The following ATP8B1 variants were observed in gnomAD, a reference collection of about 807,000 sequenced individuals.
ATP8B1 encodes ATPase phospholipid transporting 8B1.
Under a neutral mutation model 149.9 loss-of-function variants are expected in ATP8B1, and 80 were observed. The ratio of observed to expected loss-of-function variants is 0.53; its 90% CI spans 0.45 to 0.64. The LOEUF (loss-of-function observed/expected upper bound fraction) is 0.64. Among genes scored for constraint, ATP8B1 ranks in the 30% least tolerant of loss-of-function variants. The pLI, the probability that ATP8B1 is intolerant of heterozygous loss-of-function variation, is 0.00. For synonymous variants in ATP8B1, 536 were observed against 562.8 expected, an observed-to-expected ratio of 0.95 and a Z score of 0.67; for missense variants, 1,247 against 1,552.6, an observed-to-expected ratio of 0.80 and a Z score of 3.31.
intron 1 of ATP8B1, among the ~76,000 whole-genome samples, chr18:57,746,812 G>A (rs2079968336): frequency 1.3e-5 from 2 of 151,980 alleles, no homozygotes; most frequent in Admixed American, 1.3e-4. Context: ...CTGTCTCTTT[G>A]CAAATGATTA....
chr18:57,676,430 A>C (rs1343594662), intron 15 of ATP8B1, among the ~76,000 whole-genome samples: 3 of 151,958 alleles, frequency 2.0e-5, no homozygotes, highest in Non-Finnish European at 2.9e-5. Context: ...AGAAAAAAAA[A>C]CCACACAGGC....
rs554852460 is a variant in ATP8B1, at chr18:57,662,603, A to G, written c.2298T>C (p.His766=). Residue 766 remains histidine, a synonymous_variant, in exon 21 of 28, where the codon CAT becomes CAC. Coordinates refer to ENST00000648908, the MANE Select transcript of ATP8B1 (RefSeq NM_001374385.1). ...TATTCCTCTGGTTTTCCATCCTTGCATGAAGAAGAGAACTAGGGGAAACCA... is the reference window on the plus strand; with the variant it reads ...TATTCCTCTGGTTTTCCATCCTTGCGTGAAGAAGAGAACTAGGGGAAACCA... ...CYGEDINSLL[H]ARMENQRNRG... is the part of the protein sequence containing the mutation. The G allele has an allele frequency of 7.4e-6, 12 of 1,614,206 alleles. No homozygotes were observed. The highest frequency in any genetic ancestry group is 1.6e-4 in the Middle Eastern group (1 of 6,062).
chr18:57,775,923 C>T (rs568003973), intron 1 of ATP8B1, among the ~76,000 whole-genome samples: 4 of 152,166 alleles, frequency 2.6e-5, no homozygotes, highest in Non-Finnish European at 4.4e-5. Context: ...GGATTACAGG[C>T]GTGAGCTGCT....
chr18:57,795,298 G>C (rs1319720522), intron 1 of ATP8B1, among the ~76,000 whole-genome samples: 1 of 152,068 alleles, frequency 6.6e-6, no homozygotes, highest in East Asian at 1.9e-4. Context: ...AGACATTTGG[G>C]AGGCTGAAGC....
At chr18:57,689,951 G>A (rs2122859401) in intron 12 of ATP8B1, among the ~76,000 whole-genome samples, 1 of 152,330 alleles carries the variant, frequency 6.6e-6, no homozygotes, top group South Asian at 2.1e-4. Context: ...AGCAGGTGGA[G>A]GTTGCAGTGA....
At chr18:57,794,913 C>T (rs184999663) in intron 1 of ATP8B1, among the ~76,000 whole-genome samples, 3 of 152,290 alleles carry the variant, frequency 2.0e-5, no homozygotes, top group East Asian at 3.9e-4. Context: ...ACAACACCCT[C>T]CTCCCACATT....
intron 22 of ATP8B1, 57 bp downstream of exon 22, chr18:57,661,117 C>T (rs1910364464): frequency 1.3e-6 from 2 of 1,599,608 alleles, no homozygotes; most frequent in Non-Finnish European, 1.7e-6. Flanking sequence ...CTACACATTC[C>T]AGCCATTTCT....
intron 2 of ATP8B1, among the ~76,000 whole-genome samples, chr18:57,715,362 A>G (rs549018016): frequency 6.6e-6 from 1 of 152,280 alleles, no homozygotes; most frequent in South Asian, 2.1e-4. Flanking sequence ...AAGTACACCT[A>G]CAAGATCTAG....
At chr18:57,667,642 C>T (rs922350458) in intron 19 of ATP8B1, 1 of 198,352 alleles carries the variant, frequency 5.0e-6, no homozygotes, top group African/African-American at 2.4e-5. Flanking sequence ...ATAAAATGTG[C>T]TATATTATCA....
chr18:57,730,982 G>A (rs1293817936), intron 2 of ATP8B1, among the ~76,000 whole-genome samples: 6 of 151,974 alleles, frequency 3.9e-5, no homozygotes, highest in Non-Finnish European at 5.9e-5. Flanking sequence ...ATTCTTGCCC[G>A]CATAACTCCA....
chr18:57,652,314 A>G, intron 25 of ATP8B1, 142 bp from the exon 26 acceptor site: 2 of 1,448,344 alleles, frequency 1.4e-6, no homozygotes, highest in Non-Finnish European at 1.9e-6. Flanking sequence ...ACCATCCTTG[A>G]CTCAGGCAAG....
chr18:57,667,398 T>C (rs575040112), intron 19 of ATP8B1: 220 of 505,084 alleles, frequency 4.4e-4, no homozygotes, highest in African/African-American at 4.0e-3. Flanking sequence ...ACCAAACAAT[T>C]TGTGTTTTTT....
chr18:57,731,368 T>A, intron 2 of ATP8B1: 1 of 148,676 alleles, frequency 6.7e-6, no homozygotes. Context: ...TATATATATA[T>A]ATATATACAC....
rs547158500 is a variant in ATP8B1 at position 57,780,125 on chromosome 18, T to C, written c.-26+22873A>G. Among the ~76,000 whole-genome samples, 11 of 152,308 alleles carry C rather than the reference T, an allele frequency of 7.2e-5. No homozygotes were observed. In the South Asian group the frequency reaches 2.1e-3, roughly 29 times the overall value. Reference sequence around the variant, plus strand: ...AATTTCACAAATTTGTCTGTCTGTGTAAAATTGTTTTGGAAGATGTCAATA... The same window carrying C: ...AATTTCACAAATTTGTCTGTCTGTGCAAAATTGTTTTGGAAGATGTCAATA... On this transcript the variant is annotated intron_variant, in intron 1 of 27. Coordinates refer to ENST00000648908, the MANE Select transcript of ATP8B1 (RefSeq NM_001374385.1).
intron 1 of ATP8B1, among the ~76,000 whole-genome samples, chr18:57,750,149 A>T (rs1246687502): frequency 6.6e-6 from 1 of 152,212 alleles, no homozygotes; most frequent in Non-Finnish European, 1.5e-5. Context: ...AGGCTGAAGT[A>T]CAAAAATCGC....
intron 1 of ATP8B1, among the ~76,000 whole-genome samples, chr18:57,774,800 T>C (rs1417800037): frequency 6.6e-6 from 1 of 152,104 alleles, no homozygotes; most frequent in Non-Finnish European, 1.5e-5. Flanking sequence ...CTGGACAAAA[T>C]AGTAAGCCCT....
At chr18:57,781,192 A>G (rs1432275978) in intron 1 of ATP8B1, among the ~76,000 whole-genome samples, 1 of 152,228 alleles carries the variant, frequency 6.6e-6, no homozygotes, top group Non-Finnish European at 1.5e-5. Flanking sequence ...AGGAACTTCT[A>G]CTTCTTCAAA....
intron 1 of ATP8B1, among the ~76,000 whole-genome samples, chr18:57,795,211 C>A (rs567196664): frequency 6.6e-6 from 1 of 151,616 alleles, no homozygotes; most frequent in Non-Finnish European, 1.5e-5. Flanking sequence ...GGCGACATAT[C>A]GAGACACACA....
At chr18:57,659,540 C>A (rs1376102853) in intron 22 of ATP8B1, among the ~76,000 whole-genome samples, 1 of 151,586 alleles carries the variant, frequency 6.6e-6, no homozygotes, top group Non-Finnish European at 1.5e-5. Context: ...TTTGGCACGG[C>A]TAGTTACGTT....
Sources: gnomAD v4.1 joint callset for allele counts (sites outside exome capture counted in the v4.1 genomes callset) on GRCh38, gnomAD v4.1.1 for gene constraint, MANE v1.5 for transcripts, NCBI Gene and HGNC (gene_info 2026-07-23, HGNC 2026-07-21) for gene names.